Variants in SERF1B observed in about 807,000 individuals in gnomAD.
The protein encoded by SERF1B is small EDRK-rich factor 1.
chr5:70,028,450 G>T, intron 2 of SERF1B, among the ~76,000 whole-genome samples: 1 of 151,840 alleles, frequency 6.6e-6, no homozygotes, highest in Admixed American at 6.6e-5. Flanking sequence ...CTACTTGGGA[G>T]GCTGAGGCAG....
intron 2 of SERF1B, among the ~76,000 whole-genome samples, chr5:70,041,048 G>GTGTGTCTA (rs1774247506): frequency 6.6e-6 from 1 of 151,156 alleles, no homozygotes; most frequent in African/African-American, 2.4e-5. Flanking sequence ...GTCATAGGGT[G>GTGTGTCTA]TGTGTCTATA....
At chr5:70,037,300 TGAG>T (rs1774203559) in intron 2 of SERF1B, among the ~76,000 whole-genome samples, 1 of 80,576 alleles carries the variant, frequency 1.2e-5, no homozygotes, top group Admixed American at 1.3e-4. Flanking sequence ...TCTGGGAAGT[TGAG>T]GATGCAGTGA....
At chr5:70,036,521 A>T (rs1201297608) in intron 2 of SERF1B, among the ~76,000 whole-genome samples, 2 of 113,146 alleles carry the variant, frequency 1.8e-5, no homozygotes, top group African/African-American at 8.4e-5. Flanking sequence ...CAGAAGGTCA[A>T]GGCTGCAGTG....
chr5:70,036,623 ACACACACTCT>A (rs1774190027), intron 2 of SERF1B, among the ~76,000 whole-genome samples: 6 of 83,460 alleles, frequency 7.2e-5, no homozygotes, highest in African/African-American at 2.9e-4. Flanking sequence ...ACACACACAC[ACACACACTCT>A]CTCTCTCTCT....
At position 70,028,883 on chromosome 5, in the gene SERF1B, A is replaced by C. The variant is rs1199523104; in HGVS notation, c.116+2368A>C. Among the ~76,000 whole-genome samples the C allele has an allele frequency of 8.6e-5, 13 of 150,334 alleles. No homozygotes were observed. In the East Asian group the frequency reaches 2.2e-3, roughly 26 times the overall value. The stretch of plus-strand genomic sequence containing the variant: ...TCCCAGCTACTCGGGAGGCTGAGGC[A>C]GGAGACTGGCGTGAACCCGGGAGGC... On this transcript the variant is annotated intron_variant, in intron 2 of 2. Transcript: ENST00000380750.
At chr5:70,036,528 A>G (rs168761) in intron 2 of SERF1B, among the ~76,000 whole-genome samples, 5,291 of 112,556 alleles carry the variant, frequency 0.047, 6 homozygotes, top group Non-Finnish European at 0.062. Flanking sequence ...TCAAGGCTGC[A>G]GTGAGCCGAG....
intron 2 of SERF1B, among the ~76,000 whole-genome samples, chr5:70,038,339 C>T (rs1475174390): frequency 1.4e-4 from 16 of 115,250 alleles, no homozygotes; most frequent in South Asian, 2.8e-4. Context: ...GGCCAGGCGC[C>T]GTGGCTCACG....
chr5:70,035,367 T>TATTATC (rs1774169017), intron 2 of SERF1B, among the ~76,000 whole-genome samples: 1 of 138,738 alleles, frequency 7.2e-6, no homozygotes, highest in South Asian at 2.2e-4. Flanking sequence ...TAATTTTAAT[T>TATTATC]ATTATTATTA....
chr5:70,029,811 G>C (rs1236065013), intron 2 of SERF1B: 2 of 444,770 alleles, frequency 4.5e-6, no homozygotes, highest in South Asian at 1.6e-5. Flanking sequence ...CAGTGCCACA[G>C]TCTCGGTTCA....
At chr5:70,036,429 A>G (rs251141) in intron 2 of SERF1B, among the ~76,000 whole-genome samples, 7,140 of 88,176 alleles carry the variant, frequency 0.081, 11 homozygotes, top group East Asian at 0.21. Flanking sequence ...TCTACCAAAA[A>G]AAAAAAAATT....
chr5:70,041,344 C>T (rs183507639), intron 2 of SERF1B, among the ~76,000 whole-genome samples, 180 bp from the exon 3 acceptor site: 1,822 of 135,124 alleles, frequency 0.013, 190 homozygotes, highest in African/African-American at 0.067. Context: ...TAAGCCAGTC[C>T]CATTCCCCTG....
intron 2 of SERF1B, among the ~76,000 whole-genome samples, chr5:70,029,273 T>C (rs1471490215): frequency 6.6e-6 from 1 of 151,810 alleles, no homozygotes; most frequent in Non-Finnish European, 1.5e-5. Context: ...GTAGCTGGAA[T>C]TGCAGGCGTC....
intron 2 of SERF1B, among the ~76,000 whole-genome samples, chr5:70,038,445 C>T (rs1324161984): frequency 2.3e-5 from 2 of 86,852 alleles, no homozygotes; most frequent in Non-Finnish European, 4.5e-5. Flanking sequence ...CCCGTCTCTA[C>T]TAAAAATACA....
intron 2 of SERF1B, among the ~76,000 whole-genome samples, chr5:70,029,073 T>C (rs1368188527): frequency 1.3e-5 from 2 of 152,000 alleles, no homozygotes; most frequent in East Asian, 3.9e-4. Flanking sequence ...CAGTTCTGAT[T>C]TAATTGGTCA....
intron 2 of SERF1B, chr5:70,029,678 G>A (rs1266067167): frequency 2.2e-6 from 1 of 444,730 alleles, no homozygotes; most frequent in Non-Finnish European, 4.5e-6. Flanking sequence ...ATTCTAATGT[G>A]CAGCCACTAT....
intron 2 of SERF1B, chr5:70,029,955 C>T (rs1774131165): frequency 3.2e-6 from 1 of 314,744 alleles, no homozygotes; most frequent in Admixed American, 4.5e-5. Flanking sequence ...TCATGTTGTC[C>T]AGGCAGGTCT....
chr5:70,029,284 C>T (rs1027549024), intron 2 of SERF1B, among the ~76,000 whole-genome samples: 6 of 151,794 alleles, frequency 4.0e-5, no homozygotes, highest in East Asian at 1.9e-4. Context: ...TGCAGGCGTC[C>T]GCCACCATGC....
chr5:70,029,438 T>A lies in SERF1B; in HGVS notation c.116+2923T>A, dbSNP rs1186250746. Among the ~76,000 whole-genome samples the A allele has an allele frequency of 2.0e-5, 3 of 146,854 alleles. No homozygotes were observed. The East Asian group carries it at 5.9e-4, about 29-fold the overall frequency. ...GGCGTGAGCCACCACGCTGGCCCAG[T>A]TATACCTTTTTTTTTTTTTTTGAAT... On this transcript the variant is annotated intron_variant, in intron 2 of 2. Coordinates refer to ENST00000380750, the MANE Select transcript of SERF1B (RefSeq NM_022978.3).
chr5:70,041,308 C>CA (rs1774253296), intron 2 of SERF1B, among the ~76,000 whole-genome samples: 2 of 147,616 alleles, frequency 1.4e-5, no homozygotes, highest in South Asian at 4.2e-4. Context: ...TTTATATACA[C>CA]ACACGTATAC....
Sources: gnomAD v4.1 joint callset for allele counts (sites outside exome capture counted in the v4.1 genomes callset) on GRCh38, gnomAD v4.1.1 for gene constraint, MANE v1.5 for transcripts, NCBI Gene and HGNC (gene_info 2026-07-23, HGNC 2026-07-21) for gene names.